Variants in CCDC68 observed in about 807,000 individuals in gnomAD.
CCDC68 encodes coiled-coil domain containing 68.
Under a neutral mutation model 47.1 loss-of-function variants are expected in CCDC68, and 45 were observed. The ratio of observed to expected loss-of-function variants is 0.96; its 90% CI spans 0.75 to 1.23. The LOEUF (loss-of-function observed/expected upper bound fraction) is 1.23. Among genes scored for constraint, CCDC68 ranks in the 50% most tolerant of loss-of-function variants. The pLI, the probability that CCDC68 is intolerant of heterozygous loss-of-function variation, is 0.00. For synonymous variants in CCDC68, 131 were observed against 129.5 expected, an observed-to-expected ratio of 1.01 and a Z score of -0.08; for missense variants, 353 against 373.6, an observed-to-expected ratio of 0.94 and a Z score of 0.45.
intron 8 of CCDC68, among the ~76,000 whole-genome samples, chr18:54,922,655 C>G (rs889643836): frequency 6.6e-6 from 1 of 151,708 alleles, no homozygotes; most frequent in Non-Finnish European, 1.5e-5. Flanking sequence ...GAGTTCAAGA[C>G]CAGCCTGGCC....
chr18:54,948,205 G>A (rs2145621575), intron 1 of CCDC68, among the ~76,000 whole-genome samples: 1 of 152,218 alleles, frequency 6.6e-6, no homozygotes, highest in South Asian at 2.1e-4. Context: ...CAGTAAACAT[G>A]AGGTCACACT....
intron 8 of CCDC68, among the ~76,000 whole-genome samples, chr18:54,922,123 G>A (rs558243755): frequency 2.0e-5 from 3 of 152,228 alleles, no homozygotes; most frequent in Non-Finnish European, 4.4e-5. Context: ...CAAAATTCAA[G>A]TTCAGAGAAT....
rs1599014350 is a variant in CCDC68 at position 54,904,298 on chromosome 18, G to T, written c.*60C>A. 1 of 1,356,772 alleles carries T rather than the reference G, an allele frequency of 7.4e-7. No individual in the cohort carries two copies. The highest frequency in any genetic ancestry group is 2.3e-5 in the East Asian group (1 of 43,542). 84.0% of individuals were successfully genotyped at this position (1,356,772 alleles called of 1,614,324 possible). A position where few individuals can be genotyped will look rare whatever the true frequency, so the allele number is the denominator to read the frequency against. ...CATTTTAACATGAAACTTGGGCTGT[G>T]TTTCAGAGAATAAATAAGACTCACG... On this transcript the variant is annotated 3_prime_UTR_variant, in exon 12 of 12. Transcript: ENST00000591504.
chr18:54,956,135 G>A (rs1389376008), intron 1 of CCDC68, among the ~76,000 whole-genome samples: 5 of 152,060 alleles, frequency 3.3e-5, no homozygotes, highest in African/African-American at 9.7e-5. Context: ...AATTACAGGC[G>A]CATGCCACCA....
intron 2 of CCDC68, 171 bp from the exon 3 acceptor site, chr18:54,942,974 G>T: frequency 2.2e-6 from 1 of 450,744 alleles, no homozygotes; most frequent in Non-Finnish European, 3.9e-6. Context: ...TTAATATAAA[G>T]CCATATCATC....
chr18:54,904,232 A>G lies in CCDC68; in HGVS notation c.*126T>C. 2.9e-6 allele frequency: 2 copies of G among 692,058 alleles called. No homozygotes were observed. The highest frequency in any genetic ancestry group is 2.5e-4 in the Middle Eastern group (1 of 3,926). 42.9% of individuals were successfully genotyped at this position (692,058 alleles called of 1,614,324 possible). ...TGAAATGTCATCTTCTTGCAAAGCC[A>G]TTGGTATGTAATAAGTTCCATTTAA... On this transcript the variant is annotated 3_prime_UTR_variant, in exon 12 of 12. Coordinates refer to ENST00000591504, the MANE Select transcript of CCDC68 (RefSeq NM_025214.3).
chr18:54,904,699 T>G (rs553405573), intron 11 of CCDC68, among the ~76,000 whole-genome samples: 1 of 152,264 alleles, frequency 6.6e-6, no homozygotes, highest in East Asian at 1.9e-4. Context: ...TATCTGCCAT[T>G]CCACCTGGTG....
At chr18:54,909,420 C>T (rs1914216970) in intron 10 of CCDC68, among the ~76,000 whole-genome samples, 3 of 150,202 alleles carry the variant, frequency 2.0e-5, no homozygotes, top group Admixed American at 1.3e-4. Flanking sequence ...CTCACTCTGT[C>T]GCCCAGGCTG....
At chr18:54,942,572 C>T (rs902212073) in intron 3 of CCDC68, 103 bp downstream of exon 3, 4 of 678,898 alleles carry the variant, frequency 5.9e-6, no homozygotes, top group East Asian at 2.8e-5. Flanking sequence ...AGGGTTGTTC[C>T]TTTACATATG....
chr18:54,950,226 G>A (rs1180114040), intron 1 of CCDC68, among the ~76,000 whole-genome samples: 1 of 152,108 alleles, frequency 6.6e-6, no homozygotes, highest in Non-Finnish European at 1.5e-5. Context: ...GTTCATTTCT[G>A]ATTACTATTT....
chr18:54,950,788 G>GTATATA lies in CCDC68; in HGVS notation c.-102-5317_-102-5312dup, dbSNP rs759466735. Among the ~76,000 whole-genome samples the GTATATA allele has an allele frequency of 2.4e-4, 23 of 97,334 alleles. 3 individuals carry two copies. In the East Asian group the frequency reaches 3.5e-3, roughly 15 times the overall value. 63.9% of individuals were successfully genotyped at this position (97,334 alleles called of 152,430 possible). On this transcript the variant is annotated intron_variant, in intron 1 of 11. Coordinates refer to ENST00000591504, the MANE Select transcript of CCDC68 (RefSeq NM_025214.3). ...CTGTGTTATTGTTATTATCTTCAGT[G>GTATATA]TATATATATATATATGATGCAATAA...
At position 54,905,420 on chromosome 18, in the gene CCDC68, A is replaced by AGGAAGGAAGGAAGGAAGGAAGGAAGGAG. The variant is rs1359235549; in HGVS notation, c.951-1006_951-1005insCTCCTTCCTTCCTTCCTTCCTTCCTTCC. On this transcript the variant is annotated intron_variant, in intron 11 of 11. Coordinates refer to ENST00000591504, the MANE Select transcript of CCDC68 (RefSeq NM_025214.3). ...GGGAAAGGAAGGGAAGAAGGAAGGAAGGAAGGAAGGAAGATCTATATGTTC... is the reference window on the plus strand; with the variant it reads ...GGGAAAGGAAGGGAAGAAGGAAGGAAGGAAGGAAGGAAGGAAGGAAGGAAGGAGGGAAGGAAGGAAGATCTATATGTTC... Among the ~76,000 whole-genome samples, 8 of 149,656 alleles carry AGGAAGGAAGGAAGGAAGGAAGGAAGGAG rather than the reference A, an allele frequency of 5.3e-5. 1 individual carries two copies. The highest frequency in any genetic ancestry group is 2.0e-4 in the African/African-American group (8 of 40,468).
chr18:54,904,532 T>C (rs1385872703), intron 11 of CCDC68, 117 bp from the exon 12 acceptor site: 1 of 774,758 alleles, frequency 1.3e-6, no homozygotes, highest in Non-Finnish European at 2.2e-6. Flanking sequence ...ACTAACTGCT[T>C]TGTTCTAAGA....
intron 1 of CCDC68, among the ~76,000 whole-genome samples, chr18:54,950,788 G>GTGTATATA (rs994670303): frequency 1.0e-5 from 1 of 97,304 alleles, no homozygotes; most frequent in African/African-American, 3.9e-5. Context: ...TATCTTCAGT[G>GTGTATATA]TATATATATA....
At chr18:54,913,394 T>C (rs947667869) in intron 10 of CCDC68, among the ~76,000 whole-genome samples, 1 of 152,236 alleles carries the variant, frequency 6.6e-6, no homozygotes, top group African/African-American at 2.4e-5. Context: ...ATTTTAGGAA[T>C]TCCAAAATGG....
chr18:54,922,288 G>A (rs1341042049), intron 8 of CCDC68, among the ~76,000 whole-genome samples: 2 of 152,204 alleles, frequency 1.3e-5, no homozygotes, highest in Non-Finnish European at 2.9e-5. Flanking sequence ...GGAGATGGAA[G>A]AGCCTTCCAA....
At chr18:54,955,268 T>C (rs1455356660) in intron 1 of CCDC68, among the ~76,000 whole-genome samples, 1 of 152,186 alleles carries the variant, frequency 6.6e-6, no homozygotes, top group African/African-American at 2.4e-5. Context: ...GAGGCTTCAG[T>C]GAGCTAGGAT....
At chr18:54,906,071 T>C (rs114503970) in intron 11 of CCDC68, among the ~76,000 whole-genome samples, 3,792 of 152,250 alleles carry the variant, frequency 0.025, 148 homozygotes, top group African/African-American at 0.084. Flanking sequence ...ATAATTATTT[T>C]ATTATACATT....
At chr18:54,906,771 A>C (rs6566948) in intron 11 of CCDC68, among the ~76,000 whole-genome samples, 149,670 of 152,328 alleles carry the variant, frequency 0.98, 73,602 homozygotes, top group East Asian at 1. Flanking sequence ...CATTTCTTTT[A>C]TTTTCTAGAA....
Sources: gnomAD v4.1 joint callset for allele counts (sites outside exome capture counted in the v4.1 genomes callset) on GRCh38, gnomAD v4.1.1 for gene constraint, MANE v1.5 for transcripts, NCBI Gene and HGNC (gene_info 2026-07-23, HGNC 2026-07-21) for gene names.